ADGRL2: variants seen among roughly 807,000 people sequenced by gnomAD.
ADGRL2 encodes adhesion G protein-coupled receptor L2, also known as calcium-independent alpha-latrotoxin receptor 2.
Under a neutral mutation model 157.4 loss-of-function variants are expected in ADGRL2, and 44 were observed. The observed-to-expected ratio is 0.28, with a 90% CI of 0.22 to 0.36. ADGRL2 has a LOEUF of 0.36. Ranked by LOEUF, ADGRL2 falls within the 10% of genes least tolerant of loss-of-function variation. The probability of loss-of-function intolerance (pLI) is 1.00; values close to 1 mark genes in which losing one functional copy is unlikely to be tolerated. For synonymous variants in ADGRL2, 585 were observed against 624.7 expected (o/e 0.94, Z 0.95); for missense variants, 1,510 against 1,768.9 (o/e 0.85, Z 2.63).
chr1:81,926,617 G>T (rs2095113155), intron 3 of ADGRL2, among the ~76,000 whole-genome samples: 1 of 151,984 alleles, frequency 6.6e-6, no homozygotes, highest in South Asian at 2.1e-4. Flanking sequence ...ATTATTAAAA[G>T]TGAAGGCTTT....
chr1:81,778,217 G>GA (rs1332517668), intron 2 of ADGRL2, among the ~76,000 whole-genome samples: 1 of 151,916 alleles, frequency 6.6e-6, no homozygotes. Context: ...AGCTCCTCGG[G>GA]GAGGCTGAGC....
intron 3 of ADGRL2, among the ~76,000 whole-genome samples, chr1:81,923,206 T>C (rs762737515): frequency 3.3e-5 from 5 of 152,200 alleles, no homozygotes; most frequent in Non-Finnish European, 7.3e-5. Flanking sequence ...TGCCTTATTA[T>C]ATACAGCTAA....
intron 16 of ADGRL2, among the ~76,000 whole-genome samples, chr1:81,971,031 G>A (rs531000341): frequency 1.6e-4 from 25 of 152,016 alleles, no homozygotes; most frequent in Non-Finnish European, 3.2e-4. Context: ...ACTGTCTTTC[G>A]TTCATAAAAG....
chr1:81,462,547 T>C (rs2077960129), intron 2 of ADGRL2, among the ~76,000 whole-genome samples: 1 of 152,126 alleles, frequency 6.6e-6, no homozygotes, highest in African/African-American at 2.4e-5. Context: ...TGGTGATTAA[T>C]TTTTTTCCTA....
At chr1:81,347,170 G>A (rs1165399771) in intron 1 of ADGRL2, among the ~76,000 whole-genome samples, 2 of 152,070 alleles carry the variant, frequency 1.3e-5, no homozygotes, top group African/African-American at 2.4e-5. Context: ...AGGCTGAGGC[G>A]GGTAGATCAC....
intron 3 of ADGRL2, among the ~76,000 whole-genome samples, chr1:81,609,560 G>A (rs1469095809): frequency 2.0e-5 from 3 of 152,066 alleles, no homozygotes; most frequent in African/African-American, 4.8e-5. Flanking sequence ...AAACATACTA[G>A]CTCACAAGCA....
intron 2 of ADGRL2, among the ~76,000 whole-genome samples, chr1:81,494,855 A>T (rs2078700824): frequency 6.6e-6 from 1 of 152,148 alleles, no homozygotes; most frequent in Non-Finnish European, 1.5e-5. Flanking sequence ...CATCCCAAAT[A>T]ATGAAGCTGC....
chr1:81,493,953 G>A (rs2078683094), intron 2 of ADGRL2, among the ~76,000 whole-genome samples: 1 of 152,082 alleles, frequency 6.6e-6, no homozygotes, highest in African/African-American at 2.4e-5. Context: ...GAAAATAAGA[G>A]GCAATGTGGG....
chr1:81,794,785 C>A (rs1008523144), intron 2 of ADGRL2, among the ~76,000 whole-genome samples: 1 of 152,080 alleles, frequency 6.6e-6, no homozygotes, highest in African/African-American at 2.4e-5. Flanking sequence ...TAAGTTGAAA[C>A]CTGAATGATA....
chr1:81,979,853 T>C lies in ADGRL2; in HGVS notation c.3022-16T>C, dbSNP rs1218024776. On this transcript the variant is annotated splice_polypyrimidine_tract_variant and intron_variant, in intron 17 of 23. Coordinates refer to ENST00000686636, the MANE Select transcript of ADGRL2 (RefSeq NM_001366006.2). ...TCTTTGTTCATTGTGGTCTAATTCT[T>C]TATTTGTTACAACAGCTAAATATTA... is the stretch of plus-strand genomic sequence containing the variant. 4.7e-6 allele frequency: 7 copies of C among 1,480,004 alleles called. No individual in the cohort carries two copies. The highest frequency in any genetic ancestry group is 6.6e-6 in the Non-Finnish European group (7 of 1,060,554). 91.7% of individuals were successfully genotyped at this position (1,480,004 alleles called of 1,614,324 possible). A position where few individuals can be genotyped will look rare whatever the true frequency, so the allele number is the denominator to read the frequency against.
At chr1:81,683,886 G>T (rs568500668) in intron 3 of ADGRL2, among the ~76,000 whole-genome samples, 1 of 151,656 alleles carries the variant, frequency 6.6e-6, no homozygotes, top group Non-Finnish European at 1.5e-5. Context: ...GCGCAATCTC[G>T]GCTCGCTGCA....
At chr1:81,528,848 A>G (rs1392985293) in intron 2 of ADGRL2, among the ~76,000 whole-genome samples, 1 of 152,168 alleles carries the variant, frequency 6.6e-6, no homozygotes, top group African/African-American at 2.4e-5. Flanking sequence ...TTTTAACTCT[A>G]TCTTGAAGGA....
intron 1 of ADGRL2, among the ~76,000 whole-genome samples, chr1:81,330,531 G>A (rs1004050689): frequency 2.0e-5 from 3 of 151,990 alleles, no homozygotes; most frequent in Non-Finnish European, 4.4e-5. Context: ...TATGCTTCAG[G>A]GGCTACTTAT....
At chr1:81,801,530 C>T (rs2088136176) in intron 1 of ADGRL2, among the ~76,000 whole-genome samples, 1 of 152,330 alleles carries the variant, frequency 6.6e-6, no homozygotes, top group Non-Finnish European at 1.5e-5. Context: ...GGGGGCATCT[C>T]CCCTCCGCTG....
At chr1:81,953,079 G>A (rs1256795908) in intron 10 of ADGRL2, 54 bp downstream of exon 10, 15 of 1,423,120 alleles carry the variant, frequency 1.1e-5, no homozygotes, top group Admixed American at 8.4e-5. Context: ...TACCTGCCAC[G>A]CTTTATCATC....
intron 1 of ADGRL2, among the ~76,000 whole-genome samples, chr1:81,415,475 T>C (rs1044704968): frequency 6.6e-6 from 1 of 152,046 alleles, no homozygotes; most frequent in East Asian, 1.9e-4. Flanking sequence ...TTAATAATAG[T>C]GGGGAAGAGA....
At chr1:81,800,542 TC>T (rs1173994544), upstream of ADGRL2, 1 of 151,836 alleles carries the variant, frequency 6.6e-6, no homozygotes, top group African/African-American at 2.4e-5. Context: ...CGGGCGCCTC[TC>T]CGAAGTCCAG....
chr1:81,619,232 T>A lies in ADGRL2; in HGVS notation c.-143+38252T>A, dbSNP rs148193387. 1.3e-4 allele frequency among the ~76,000 whole-genome samples: 19 copies of A among 151,754 alleles called. No homozygotes were observed. The East Asian group carries it at 3.7e-3, about 29-fold the overall frequency. On this transcript the variant is annotated intron_variant, in intron 3 of 24. Transcript: ENST00000370721. The stretch of plus-strand genomic sequence containing the variant: ...AGACTGAGAAAGGAGCTGGAACGTA[T>A]CACTGTTTATGGGTGGAACACCAAA...
intron 2 of ADGRL2, among the ~76,000 whole-genome samples, chr1:81,565,909 C>G (rs891123131): frequency 2.6e-5 from 4 of 152,020 alleles, no homozygotes; most frequent in African/African-American, 9.7e-5. Flanking sequence ...GATTTGTGTG[C>G]ACTGAAGTAC....
Sources: gnomAD v4.1 joint callset for allele counts (sites outside exome capture counted in the v4.1 genomes callset) on GRCh38, gnomAD v4.1.1 for gene constraint, MANE v1.5 for transcripts, NCBI Gene and HGNC (gene_info 2026-07-23, HGNC 2026-07-21) for gene names.